The following ANK2 variants were observed in gnomAD, a reference collection of about 807,000 sequenced individuals.
ANK2 encodes the protein ankyrin 2, also known as ankyrin-2.
Under a neutral mutation model 360.5 loss-of-function variants are expected in ANK2, and 83 were observed. The observed-to-expected ratio is 0.23, with a 90% CI of 0.19 to 0.28. The LOEUF is 0.28. Ranked by LOEUF, ANK2 falls within the 10% of genes least tolerant of loss-of-function variation. The pLI, the probability that ANK2 is intolerant of heterozygous loss-of-function variation, is 1.00. For missense variants in ANK2, 4,201 were observed against 4,795.7 expected, an observed-to-expected ratio of 0.88 and a Z score of 3.66; for synonymous variants, 1,740 against 1,759.5, an observed-to-expected ratio of 0.99 and a Z score of 0.28.
intron 1 of ANK2, among the ~76,000 whole-genome samples, chr4:113,069,384 A>G (rs1158193256): frequency 1.3e-5 from 2 of 152,218 alleles, no homozygotes; most frequent in Admixed American, 6.5e-5. Flanking sequence ...TCTCCAGCAC[A>G]GGCTACAGTG....
intron 1 of ANK2, among the ~76,000 whole-genome samples, chr4:113,097,357 A>G (rs1460647515): frequency 1.4e-4 from 21 of 152,024 alleles, no homozygotes; most frequent in Non-Finnish European, 8.8e-5. Flanking sequence ...TCACTCAGCA[A>G]CATAATTCCT....
At chr4:113,303,528 A>G (rs1273658862) in intron 23 of ANK2, among the ~76,000 whole-genome samples, 1 of 152,192 alleles carries the variant, frequency 6.6e-6, no homozygotes, top group African/African-American at 2.4e-5. Context: ...ATTGGGCTAG[A>G]GCTGGAGATG....
At chr4:113,179,432 A>G (rs1438809741) in intron 2 of ANK2, among the ~76,000 whole-genome samples, 1 of 152,226 alleles carries the variant, frequency 6.6e-6, no homozygotes, top group Non-Finnish European at 1.5e-5. Context: ...CACAACTACC[A>G]TGAGAAGTTT....
intron 1 of ANK2, among the ~76,000 whole-genome samples, chr4:112,843,466 T>A (rs1352248195): frequency 6.6e-6 from 1 of 152,038 alleles, no homozygotes; most frequent in East Asian, 1.9e-4. Flanking sequence ...TGTTAGGAGG[T>A]GTTCTATGTT....
rs2154029541 is a variant in ANK2, at chr4:113,358,302, G to T, written c.9684G>T (p.Val3228=). The T allele has an allele frequency of 1.2e-6, 2 of 1,613,328 alleles. No homozygotes were observed. The highest frequency in any genetic ancestry group is 2.2e-5 in the South Asian group (2 of 91,002). The change falls in exon 38 of 46, where the codon GTG becomes GTT. Residue 3228 remains valine (V), a synonymous_variant. Transcript: ENST00000357077. ...VSVGTKDLPT[V]QTGDIPPLSG... is the part of the protein sequence containing the mutation. The stretch of plus-strand genomic sequence containing the variant: ...TAGGGACCAAGGACCTCCCCACCGT[G>T]CAAACGGGTGATATACCTCCTCTCT...
chr4:113,227,498 T>TA (rs1177488789), intron 4 of ANK2, among the ~76,000 whole-genome samples: 1 of 152,284 alleles, frequency 6.6e-6, no homozygotes, highest in African/African-American at 2.4e-5. Flanking sequence ...CAAGGCAATT[T>TA]AAAAAAATGT....
the ANK2 span, among the ~76,000 whole-genome samples, chr4:112,780,350 C>A: frequency 6.6e-6 from 1 of 152,236 alleles, no homozygotes; most frequent in East Asian, 1.9e-4. Flanking sequence ...TTTTTAAATT[C>A]TATTGCTGGC....
At chr4:113,309,183 C>A (rs2078669252) in intron 23 of ANK2, among the ~76,000 whole-genome samples, 1 of 152,150 alleles carries the variant, frequency 6.6e-6, no homozygotes, top group South Asian at 2.1e-4. Context: ...TTTTATATAG[C>A]ACTGACAAGA....
Position 112,843,676 on chromosome 4 carries a change from T to G in ANK2, c.-40+25412T>G, listed in dbSNP as rs114120085. Among the ~76,000 whole-genome samples the G allele has an allele frequency of 6.6e-3, 1,009 of 152,294 alleles. 15 individuals carry two copies. The highest frequency in any genetic ancestry group is 0.023 in the African/African-American group (966 of 41,570). On this transcript the variant is annotated intron_variant, in intron 1 of 30. Transcript: ENST00000503271. ...TGAATTTCCCAAAAAATGAAAATTT[T>G]TTTTCTTTTTCTCTCTTTTTTAGAA...
chr4:113,026,132 C>A lies in ANK2; in HGVS notation c.21+121618C>A, dbSNP rs531019055. 5.9e-5 allele frequency among the ~76,000 whole-genome samples: 9 copies of A among 152,240 alleles called. No individual in the cohort carries two copies. The East Asian group carries it at 1.4e-3, about 23-fold the overall frequency. On this transcript the variant is annotated intron_variant, in intron 2 of 30. Transcript: ENST00000503271. Reference sequence around the variant, plus strand: ...ACACAAATGCCGTAATACGTGGCCACGGACACTTGGGACCTGCTATGTGGA... The same window carrying A: ...ACACAAATGCCGTAATACGTGGCCAAGGACACTTGGGACCTGCTATGTGGA...
chr4:112,725,018 G>A, the ANK2 span, among the ~76,000 whole-genome samples: 47 of 152,254 alleles, frequency 3.1e-4, 1 homozygote, highest in East Asian at 7.0e-3. Context: ...CGTGGCTCAC[G>A]CCTGTAATCC....
rs186445320 is a variant in ANK2, at chr4:112,964,605, C to G, written c.21+60091C>G. ...TTTTTTTTTGAGACAGAGTCTCGCT[C>G]TGTTGCCCAGGCTGGAGTGCAGTGG... On this transcript the variant is annotated intron_variant, in intron 2 of 30. Transcript: ENST00000503271. Among the ~76,000 whole-genome samples, 17 of 147,186 alleles carry G rather than the reference C, an allele frequency of 1.2e-4. No homozygotes were observed. The East Asian group carries it at 3.4e-3, about 30-fold the overall frequency.
chr4:113,043,759 T>C (rs2063552205), intron 2 of ANK2, among the ~76,000 whole-genome samples: 1 of 152,128 alleles, frequency 6.6e-6, no homozygotes, highest in Admixed American at 6.5e-5. Context: ...ACATTCTCAG[T>C]GAGTCAAGAA....
chr4:112,931,441 T>C (rs866380240), intron 2 of ANK2, among the ~76,000 whole-genome samples: 3,731 of 144,148 alleles, frequency 0.026, 66 homozygotes, highest in African/African-American at 0.046. Context: ...TTCTTTTTTT[T>C]TTTTTTTTTT....
the ANK2 span, among the ~76,000 whole-genome samples, chr4:112,810,677 G>C: frequency 1.0e-3 from 154 of 151,994 alleles, 2 homozygotes; most frequent in East Asian, 0.024. Flanking sequence ...TCAGCCTCCT[G>C]AGTAGCTGGG....
chr4:113,318,551 C>A lies in ANK2; in HGVS notation c.2831C>A (p.Ser944Tyr). ...CTAGCCAAGGAGGCAGAAAGGAATT[C>A]TTATCGCCTAAGCTGGGGCACTGAG... Reference protein sequence around the residue: ...STLAKEAERNSYRLSWGTENL... With the variant: ...STLAKEAERNYYRLSWGTENL... The change falls in exon 26 of 46, where the codon TCT (serine) becomes TAT (tyrosine). Residue 944 changes from serine (S) to tyrosine (Y), a missense_variant. Ser to Tyr is a moderately radical substitution (Grantham distance 144, BLOSUM62 -2). This residue lies in a region of ANK2 where 1,268 missense variants were observed against 1,650.8 expected (regional missense o/e 0.77). Coordinates refer to ENST00000357077, the MANE Select transcript of ANK2 (RefSeq NM_001148.6). 6.2e-7 allele frequency: 1 copy of A among 1,613,810 alleles called. No homozygotes were observed. The highest frequency in any genetic ancestry group is 2.2e-5 in the East Asian group (1 of 44,868).
chr4:113,281,761 A>G (rs796725061), intron 17 of ANK2, among the ~76,000 whole-genome samples: 3 of 152,170 alleles, frequency 2.0e-5, no homozygotes, highest in African/African-American at 2.4e-5. Flanking sequence ...TTAACTAAAC[A>G]TGGGGTATAG....
the ANK2 span, among the ~76,000 whole-genome samples, chr4:112,711,184 C>A: frequency 6.8e-6 from 1 of 147,834 alleles, no homozygotes; most frequent in Non-Finnish European, 1.5e-5. Flanking sequence ...GTAATCCTAG[C>A]ACACTGTCTC....
rs1177283214 is a variant in ANK2 at position 113,282,748 on chromosome 4, G to C, written c.1955G>C (p.Gly652Ala). The C allele has an allele frequency of 6.2e-7, 1 of 1,613,924 alleles. No individual in the cohort carries two copies. The highest frequency in any genetic ancestry group is 1.3e-5 in the African/African-American group (1 of 75,040). Residue 652 changes from glycine (G) to alanine (A), a missense_variant, in exon 18 of 46, where the codon GGA becomes GCA. Gly to Ala is a moderately conservative substitution (Grantham distance 60, BLOSUM62 0). This residue lies in a region of ANK2 where 1,268 missense variants were observed against 1,650.8 expected (regional missense o/e 0.77). Transcript: ENST00000357077. The part of the protein sequence containing the change: ...MQIASTLLNY[G>A]AETNIVTKQG... ...ATAGCTTCCACACTCCTGAACTATG[G>C]AGCAGAGACAAACATTGTGACAAAG...
Sources: gnomAD v4.1 joint callset for allele counts (sites outside exome capture counted in the v4.1 genomes callset) on GRCh38, gnomAD v4.1.1 for gene constraint, gnomAD v4.1.1 regional missense constraint, MANE v1.5 for transcripts, NCBI Gene and HGNC (gene_info 2026-07-23, HGNC 2026-07-21) for gene names.